Variants in ACCS observed in about 807,000 individuals in gnomAD.
ACCS encodes the protein 1-aminocyclopropane-1-carboxylate synthase-like protein 1.
ACCS carries 42 observed loss-of-function variants against 59.8 expected under a neutral mutation model. The ratio of observed to expected loss-of-function variants is 0.70; its 90% CI spans 0.55 to 0.91. The LOEUF is 0.91. ACCS is among the 40% of genes least tolerant of loss of function. The pLI is 0.00. For synonymous variants in ACCS, 230 were observed against 240.3 expected (o/e 0.96, Z 0.40); for missense variants, 602 against 630.4 (o/e 0.95, Z 0.48).
rs140784310 is a variant in ACCS, at chr11:44,073,459, G to A, written c.361G>A (p.Asp121Asn). The change falls in exon 4 of 15, where the codon GAC becomes AAC. Residue 121 changes from aspartate to asparagine, a missense_variant. Asp to Asn is a conservative substitution (Grantham distance 23, BLOSUM62 1). Coordinates refer to ENST00000263776, the MANE Select transcript of ACCS (RefSeq NM_032592.4). ...TCTCTGTCCCCAGCTGAGTCAGCGC[G>A]ACATGCAGAGGGTGGAGCCATCCCT... ...DLLSWRLSQR[D>N]MQRVEPSLLQ... 1.2e-5 allele frequency: 20 copies of A among 1,608,000 alleles called. No homozygotes were observed. The highest frequency in any genetic ancestry group is 9.0e-5 in the South Asian group (8 of 89,324).
chr11:44,074,764 C>T (rs868110898), intron 5 of ACCS, 83 bp downstream of exon 5: 49 of 438,486 alleles, frequency 1.1e-4, no homozygotes, highest in Non-Finnish European at 1.7e-4. Context: ...TTCTTTCTTT[C>T]TTTCTTTCTT....
chr11:44,073,388 G>A, intron 3 of ACCS, 59 bp from the exon 4 acceptor site: 1 of 1,404,214 alleles, frequency 7.1e-7, no homozygotes, highest in South Asian at 1.2e-5. Flanking sequence ...CCTGCCCTGT[G>A]CTGTGGATGC....
chr11:44,071,535 C>A, intron 3 of ACCS: 1 of 521,578 alleles, frequency 1.9e-6, no homozygotes, highest in Non-Finnish European at 3.4e-6. Context: ...ACTCTTATTT[C>A]ACTCAGTCCC....
rs151181120 is a variant in ACCS at position 44,067,604 on chromosome 11, C to T, written c.1-24C>T. The T allele has an allele frequency of 6.8e-5, 108 of 1,582,606 alleles. No individual in the cohort carries two copies. The East Asian group carries it at 1.7e-3, about 25-fold the overall frequency. On this transcript the variant is annotated intron_variant, in intron 1 of 14. Transcript: ENST00000263776. Reference sequence around the variant, plus strand: ...GTGCTATGGAAATCCCTTGAGCAGGCCTGTGCGTTTTGTCTTTTTGCAGAT... The same window carrying T: ...GTGCTATGGAAATCCCTTGAGCAGGTCTGTGCGTTTTGTCTTTTTGCAGAT...
intron 1 of ACCS, 94 bp from the exon 2 acceptor site, chr11:44,067,534 A>G (rs1242555773): frequency 2.3e-6 from 3 of 1,322,190 alleles, no homozygotes; most frequent in Non-Finnish European, 2.1e-6. Flanking sequence ...AGGGGCAGAT[A>G]AGAGAAAGGG....
At chr11:44,075,413 AG>A (rs1183935942) in intron 5 of ACCS, 112 bp from the exon 6 acceptor site, 1 of 1,078,790 alleles carries the variant, frequency 9.3e-7, no homozygotes, top group African/African-American at 1.5e-5. Flanking sequence ...ACAGAGCCTC[AG>A]GTGGCACCAA....
chr11:44,077,434 G>A (rs1209797710), intron 7 of ACCS, 58 bp downstream of exon 7: 47 of 1,608,962 alleles, frequency 2.9e-5, no homozygotes, highest in Non-Finnish European at 3.8e-5. Flanking sequence ...AGAGTTTCCT[G>A]GGTCTGAATT....
chr11:44,083,921 G>T lies in ACCS; in HGVS notation c.*129G>T. The T allele has an allele frequency of 1.3e-6, 2 of 1,485,366 alleles. No homozygotes were observed. The highest frequency in any genetic ancestry group is 2.2e-5 in the Admixed American group (1 of 44,644). The allele number at this position is 1,485,366 out of a possible 1,614,324, so 92.0% of individuals were successfully genotyped here. ...TATCTAACTTGGCTTTGTGCCTGAA[G>T]AACTGTTTCTTGTCTTTCGCTGTAG... On this transcript the variant is annotated 3_prime_UTR_variant, in exon 15 of 15. Transcript: ENST00000263776.
chr11:44,080,048 G>A (rs900534696), intron 10 of ACCS, among the ~76,000 whole-genome samples: 1 of 152,214 alleles, frequency 6.6e-6, no homozygotes, highest in Non-Finnish European at 1.5e-5. Context: ...TAGGTTTACT[G>A]TAAGCAAAGC....
rs115355086 is a variant in ACCS at position 44,079,492 on chromosome 11, C to T, written c.834-39C>T. 1.4e-3 allele frequency: 2,118 copies of T among 1,560,104 alleles called. 26 individuals are homozygous for T. In the African/African-American group the frequency reaches 0.025, roughly 18 times the overall value. On this transcript the variant is annotated intron_variant, in intron 9 of 14. Transcript: ENST00000263776. ...CACCCTGTGGGACGCATCTGCCCTA[C>T]ACACTAAGTCTCTCCTCCCCACCCC...
intron 9 of ACCS, chr11:44,079,215 T>C (rs988492436): frequency 2.7e-5 from 11 of 401,564 alleles, no homozygotes; most frequent in Non-Finnish European, 5.0e-5. Context: ...AGTGGTCAAG[T>C]GAGGGGTGGA....
chr11:44,071,492 C>T (rs1225299390), intron 3 of ACCS, 177 bp downstream of exon 3: 2 of 621,468 alleles, frequency 3.2e-6, no homozygotes, highest in Non-Finnish European at 5.6e-6. Flanking sequence ...TGAGTTTCTT[C>T]CCCACTGTAG....
intron 2 of ACCS, among the ~76,000 whole-genome samples, chr11:44,070,600 C>G (rs60137983): frequency 0.043 from 6,598 of 152,246 alleles, 485 homozygotes; most frequent in African/African-American, 0.15. Context: ...TGCACCGAGT[C>G]TCCCTGGGGA....
chr11:44,079,132 A>T, intron 9 of ACCS: 1 of 375,318 alleles, frequency 2.7e-6, no homozygotes. Context: ...TACAATCCTT[A>T]CAACAATCCT....
chr11:44,073,827 G>C (rs1440806229), intron 4 of ACCS, among the ~76,000 whole-genome samples: 1 of 152,200 alleles, frequency 6.6e-6, no homozygotes, highest in Non-Finnish European at 1.5e-5. Flanking sequence ...TTAAAGCATG[G>C]GGAGGGCCTT....
At position 44,077,937 on chromosome 11, in the gene ACCS, T is replaced by C; in HGVS notation, c.732+15T>C. On this transcript the variant is annotated intron_variant, in intron 8 of 14. Coordinates refer to ENST00000263776, the MANE Select transcript of ACCS (RefSeq NM_032592.4). ...CTCACTCTGAGGTCTGGGGATCAAA[T>C]CAAACCTGAGGCTGGGTGTGGGTGG... is the stretch of plus-strand genomic sequence containing the variant. 6.2e-7 allele frequency: 1 copy of C among 1,612,934 alleles called. No individual in the cohort carries two copies. The highest frequency in any genetic ancestry group is 1.1e-5 in the South Asian group (1 of 90,816).
Position 44,078,767 on chromosome 11 carries a change from C to T in ACCS, c.816C>T (p.Tyr272=), listed in dbSNP as rs1457288317. 2 of 1,613,968 alleles carry T rather than the reference C, an allele frequency of 1.2e-6. No individual in the cohort carries two copies. Among genetic ancestry groups the T allele is most frequent in the Non-Finnish European group, 8.5e-7 (1 of 1,179,970 alleles). ...DVYSPEELQE[Y]LVFAKRHRLH... is the part of the protein sequence containing the mutation. ...ACTCCCCTGAAGAGCTACAGGAGTA[C>T]CTGGTATTTGCCAAGAGGTGAGGCA... Residue 272 remains tyrosine (Y), a synonymous_variant, in exon 9 of 15, where the codon TAC becomes TAT. Transcript: ENST00000263776.
At chr11:44,073,360 A>G (rs1953153309) in intron 3 of ACCS, 87 bp from the exon 4 acceptor site, 3 of 1,095,266 alleles carry the variant, frequency 2.7e-6, no homozygotes, top group African/African-American at 1.6e-5. Flanking sequence ...TGATGAGCAG[A>G]ACAAGCGTTC....
At chr11:44,074,003 C>A (rs566582505) in intron 4 of ACCS, among the ~76,000 whole-genome samples, 1 of 152,248 alleles carries the variant, frequency 6.6e-6, no homozygotes, top group Non-Finnish European at 1.5e-5. Flanking sequence ...GTTCTAAGGG[C>A]TCAGCGGCTG....
Sources: allele counts gnomAD v4.1 joint callset (sites outside exome capture counted in the v4.1 genomes callset), GRCh38; gene constraint gnomAD v4.1.1; transcripts MANE v1.5; gene names NCBI Gene and HGNC (gene_info 2026-07-23, HGNC 2026-07-21).